The following ZNF841 variants were observed in gnomAD, a reference collection of about 807,000 sequenced individuals.
The protein encoded by ZNF841 is TCONS_00006091.
A neutral mutation model predicts 13.0 loss-of-function variants in ZNF841; 11 were observed. The ratio of observed to expected loss-of-function variants is 0.85; its 90% confidence interval spans 0.53 to 1.40. The LOEUF (loss-of-function observed/expected upper bound fraction) is 1.40, where lower values mean the gene tolerates loss of function less well. ZNF841 is among the 40% of genes most tolerant of loss of function. The pLI is 0.00. For synonymous variants in ZNF841, 369 were observed against 381.6 expected (o/e 0.97, Z 0.38); for missense variants, 1,068 against 1,139.5 (o/e 0.94, Z 0.90).
At chr19:52,067,732 A>G (rs377064474) in intron 6 of ZNF841, 122 bp from the exon 7 acceptor site, 18 of 601,480 alleles carry the variant, frequency 3.0e-5, no homozygotes, top group South Asian at 7.2e-5. Flanking sequence ...CTTTTCTACC[A>G]TGATCTTCTA....
intron 3 of ZNF841, among the ~76,000 whole-genome samples, chr19:52,085,519 T>A (rs576317411): frequency 6.6e-6 from 1 of 152,132 alleles, no homozygotes; most frequent in South Asian, 2.1e-4. Context: ...CAGAGACACA[T>A]AATATGCACC....
chr19:52,091,194 C>T (rs1000434793), intron 2 of ZNF841, among the ~76,000 whole-genome samples: 1 of 152,064 alleles, frequency 6.6e-6, no homozygotes, highest in African/African-American at 2.4e-5. Flanking sequence ...CATTGAAGAA[C>T]ACACAAAGAA....
chr19:52,059,619 G>C (rs151283811), downstream of ZNF841, among the ~76,000 whole-genome samples: 400 of 151,788 alleles, frequency 2.6e-3, no homozygotes, highest in African/African-American at 8.8e-3. Context: ...ATTTCTCCCA[G>C]TCTGGGCAAC....
intron 6 of ZNF841, among the ~76,000 whole-genome samples, chr19:52,069,510 CA>C (rs2087682921): frequency 1.3e-5 from 2 of 152,138 alleles, no homozygotes; most frequent in African/African-American, 4.8e-5. Flanking sequence ...CTTACAGATA[CA>C]ATGTAGACTG....
intron 5 of ZNF841, 104 bp downstream of exon 5, chr19:52,076,854 T>C: frequency 7.1e-7 from 1 of 1,400,860 alleles, no homozygotes; most frequent in East Asian, 2.5e-5. Flanking sequence ...TCAACAAGGC[T>C]TCAGTCTCTG....
chr19:52,059,392 C>T, the ZNF841 span, among the ~76,000 whole-genome samples: 6,722 of 74,668 alleles, frequency 0.09, 597 homozygotes, highest in African/African-American at 0.3. Context: ...TATATATATA[C>T]ACACACACAC....
chr19:52,088,520 T>G (rs1272068609), intron 3 of ZNF841, among the ~76,000 whole-genome samples: 1 of 152,188 alleles, frequency 6.6e-6, no homozygotes, highest in Non-Finnish European at 1.5e-5. Flanking sequence ...ACCAAATTTA[T>G]ATAAACACCT....
chr19:52,083,726 G>T (rs910906468), intron 4 of ZNF841, among the ~76,000 whole-genome samples: 1 of 150,394 alleles, frequency 6.6e-6, no homozygotes, highest in Non-Finnish European at 1.5e-5. Context: ...AAATTTTATT[G>T]TGTATATTTA....
At chr19:52,063,157 G>A (rs1485028170), downstream of ZNF841, among the ~76,000 whole-genome samples, 1 of 152,074 alleles carries the variant, frequency 6.6e-6, no homozygotes, top group African/African-American at 2.4e-5. Context: ...TTACAGGCGT[G>A]AGCCACCGCA....
intron 4 of ZNF841, among the ~76,000 whole-genome samples, chr19:52,080,289 C>T (rs997568359): frequency 1.3e-5 from 2 of 152,120 alleles, no homozygotes; most frequent in Non-Finnish European, 2.9e-5. Flanking sequence ...ATGATTTTAA[C>T]AACAATTCAT....
In ZNF841 at chr19:52,092,944, C is replaced by A. The variant is rs565873317; in HGVS notation, c.-144+902G>T. 3.6e-3 allele frequency among the ~76,000 whole-genome samples: 551 copies of A among 152,288 alleles called. 5 individuals are homozygous for A. The highest frequency in any genetic ancestry group is 8.5e-3 in the Admixed American group (130 of 15,298). On this transcript the variant is annotated intron_variant, in intron 2 of 6. Coordinates refer to ENST00000594440, the MANE Select transcript of ZNF841 (RefSeq NM_001136499.2). ...GACCAGCCTGGCCAACATGGTGAAA[C>A]CCTGTCTCTACTAAAAACACAAAAA...
chr19:52,062,945 G>T (rs188937348), downstream of ZNF841, among the ~76,000 whole-genome samples: 2 of 147,714 alleles, frequency 1.4e-5, no homozygotes, highest in Admixed American at 1.4e-4. Context: ...GTGCAATCTC[G>T]GCTCACTGCA....
At chr19:52,081,683 A>G (rs919293309) in intron 4 of ZNF841, among the ~76,000 whole-genome samples, 3 of 152,138 alleles carry the variant, frequency 2.0e-5, no homozygotes, top group Non-Finnish European at 4.4e-5. Context: ...GCAAAATCCC[A>G]TCTCTACAAA....
rs2087504632 is a variant in ZNF841, at chr19:52,065,243, T to C, written c.2639A>G (p.Asn880Ser). 1.9e-6 allele frequency: 3 copies of C among 1,614,050 alleles called. No individual in the cohort carries two copies. Among genetic ancestry groups the C allele is most frequent in the Non-Finnish European group, 2.5e-6 (3 of 1,179,964 alleles). ...ACTAATGTAAGATTTGCCACACTCA[T>C]TACATTTATAAGGTTTTTCACTAGA... ...IHSSEKPYKC[N>S]ECGKSYISRS... Residue 880 changes from asparagine (N) to serine (S), a missense_variant, in exon 7 of 7, where the codon AAT becomes AGT. Coordinates refer to ENST00000594440, the MANE Select transcript of ZNF841 (RefSeq NM_001136499.2).
At chr19:52,086,260 G>A (rs1210453896) in intron 3 of ZNF841, among the ~76,000 whole-genome samples, 1 of 152,152 alleles carries the variant, frequency 6.6e-6, no homozygotes, top group Non-Finnish European at 1.5e-5. Context: ...CCTGGTGGGA[G>A]GTGGATGGAT....
At chr19:52,079,444 A>C (rs1348826127) in intron 4 of ZNF841, among the ~76,000 whole-genome samples, 2 of 151,334 alleles carry the variant, frequency 1.3e-5, no homozygotes, top group East Asian at 3.9e-4. Context: ...AAAAAAAAAA[A>C]AAAAAAAAAC....
intron 4 of ZNF841, among the ~76,000 whole-genome samples, chr19:52,080,521 C>T (rs2088063228): frequency 6.6e-6 from 1 of 152,204 alleles, no homozygotes; most frequent in Non-Finnish European, 1.5e-5. Flanking sequence ...AACTTCCTGA[C>T]TTTTCAGATG....
chr19:52,084,908 T>TTTC (rs2088220466), intron 3 of ZNF841, 30 bp from the exon 4 acceptor site: 20 of 1,247,052 alleles, frequency 1.6e-5, no homozygotes, highest in Admixed American at 4.8e-5. Context: ...TGTTTAATCC[T>TTTC]TGGAAACAAC....
chr19:52,067,624 T>C lies in ZNF841; in HGVS notation c.272-14A>G, dbSNP rs761671824. On this transcript the variant is annotated splice_polypyrimidine_tract_variant and intron_variant, in intron 6 of 6. Transcript: ENST00000594440. The stretch of plus-strand genomic sequence containing the variant: ...TAGGAGAGATACCTGCAAAATATAA[T>C]GAACATGGGGTTTTAAAATAACTAT... 2.6e-5 allele frequency: 38 copies of C among 1,454,316 alleles called. No individual in the cohort carries two copies. Among genetic ancestry groups the C allele is most frequent in the Non-Finnish European group, 3.4e-5 (37 of 1,097,024 alleles). 90.1% of individuals were successfully genotyped at this position (1,454,316 alleles called of 1,614,324 possible).
Sources: gnomAD v4.1 joint callset for allele counts (sites outside exome capture counted in the v4.1 genomes callset) on GRCh38, gnomAD v4.1.1 for gene constraint, MANE v1.5 for transcripts, NCBI Gene and HGNC (gene_info 2026-07-23, HGNC 2026-07-21) for gene names.